The following PRTG variants were observed in gnomAD, a reference collection of about 807,000 sequenced individuals.
PRTG encodes the protein immunoglobulin superfamily, DCC subclass, member 5.
In PRTG, 67 loss-of-function variants were observed where a neutral mutation model predicts 122.5. That is an observed-to-expected ratio of 0.55 (90% CI 0.45 to 0.67). The LOEUF (loss-of-function observed/expected upper bound fraction) is 0.67. Ranked by LOEUF, PRTG falls within the 30% of genes least tolerant of loss-of-function variation. The probability of loss-of-function intolerance (pLI) is 0.00; values close to 1 mark genes in which losing one functional copy is unlikely to be tolerated. For missense variants in PRTG, 1,435 were observed against 1,415.4 expected (o/e 1.01, Z -0.22); for synonymous variants, 554 against 501.1 (o/e 1.11, Z -1.41).
At chr15:55,720,966 G>C (rs1483909666) in intron 2 of PRTG, among the ~76,000 whole-genome samples, 1 of 151,938 alleles carries the variant, frequency 6.6e-6, no homozygotes, top group Non-Finnish European at 1.5e-5. Context: ...GGTCCACCTA[G>C]ACATCCCACA....
At position 55,673,612 on chromosome 15, in the gene PRTG, C is replaced by T. The variant is rs1595638448; in HGVS notation, c.1611G>A (p.Trp537Ter). The change falls in exon 10 of 20, where the codon TGG (tryptophan) becomes TGA (stop). Residue 537 changes from tryptophan (W) to a stop codon, truncating the protein, a stop_gained. Coordinates refer to ENST00000389286, the MANE Select transcript of PRTG (RefSeq NM_173814.6). LOFTEE classifies it high-confidence loss of function. ...SRSPTDILIS[W>*]LPIPAKYRRG... Reference sequence around the variant, plus strand: ...GCCGATATTTGGCTGGGATTGGCAGCCAGGAGATGAGAATATCAGTGGGAC... The same window carrying T: ...GCCGATATTTGGCTGGGATTGGCAGTCAGGAGATGAGAATATCAGTGGGAC... 2 of 1,613,982 alleles carry T rather than the reference C, an allele frequency of 1.2e-6. No homozygotes were observed. Among genetic ancestry groups the T allele is most frequent in the Admixed American group, 1.7e-5 (1 of 60,000 alleles).
At position 55,616,784 on chromosome 15, in the gene PRTG, T is replaced by C. The variant is rs1352820626; in HGVS notation, c.*3228A>G. 6.6e-6 allele frequency: 1 copy of C among 152,178 alleles called. No homozygotes were observed. The allele number at this position is 152,178 out of a possible 1,614,324, so 9.4% of individuals were successfully genotyped here. ...ACTGATAAATACCAATATAATTGTATTGCTTTTAATTATGTAAACTTAGCC... is the reference window on the plus strand; with the variant it reads ...ACTGATAAATACCAATATAATTGTACTGCTTTTAATTATGTAAACTTAGCC... On this transcript the variant is annotated 3_prime_UTR_variant, in exon 20 of 20. Coordinates refer to ENST00000389286, the MANE Select transcript of PRTG (RefSeq NM_173814.6).
chr15:55,721,618 T>G (rs1280565716), intron 2 of PRTG, among the ~76,000 whole-genome samples: 1 of 152,228 alleles, frequency 6.6e-6, no homozygotes, highest in African/African-American at 2.4e-5. Context: ...ATCAGCTACA[T>G]CAGGATCTCT....
Position 55,613,825 on chromosome 15 carries a change from G to A in PRTG, c.*6187C>T, listed in dbSNP as rs1458437747. ...ATAGTCCTATACACTTCTGAGTAAG[G>A]ATTAACTAACTAGGGTTTGTATCTT... On this transcript the variant is annotated 3_prime_UTR_variant, in exon 20 of 20. Coordinates refer to ENST00000389286, the MANE Select transcript of PRTG (RefSeq NM_173814.6). 6.9e-6 allele frequency: 1 copy of A among 145,008 alleles called. No homozygotes were observed. The highest frequency in any genetic ancestry group is 2.5e-5 in the African/African-American group (1 of 39,624). The allele number at this position is 145,008 out of a possible 1,614,324, so 9.0% of individuals were successfully genotyped here. A position where few individuals can be genotyped will look rare whatever the true frequency, so the allele number is the denominator to read the frequency against.
intron 11 of PRTG, among the ~76,000 whole-genome samples, chr15:55,660,920 C>A (rs887342269): frequency 1.3e-5 from 2 of 152,064 alleles, no homozygotes; most frequent in Non-Finnish European, 2.9e-5. Flanking sequence ...AAAATTTCTT[C>A]AAAGGTCTCA....
Position 55,638,615 on chromosome 15 carries a change from G to A in PRTG, c.2386C>T (p.Arg796Ter), listed in dbSNP as rs1044612039. The A allele has an allele frequency of 6.2e-6, 10 of 1,613,216 alleles. No homozygotes were observed. The highest frequency in any genetic ancestry group is 8.5e-6 in the Non-Finnish European group (10 of 1,179,342). ...CTGGAAAGCTGATCCACATGTAATCGAACGGCAAATTCGTATTTGGTGTTT... is the reference window on the plus strand; with the variant it reads ...CTGGAAAGCTGATCCACATGTAATCAAACGGCAAATTCGTATTTGGTGTTT... ...EPNTKYEFAV[R>*]LHVDQLSSPW... Residue 796 changes from arginine (R) to a stop codon, truncating the protein, a stop_gained, in exon 14 of 20, where the codon CGA becomes TGA. Transcript: ENST00000389286. LOFTEE classifies it high-confidence loss of function.
chr15:55,708,935 A>C (rs913028035), intron 2 of PRTG, among the ~76,000 whole-genome samples: 11 of 152,198 alleles, frequency 7.2e-5, no homozygotes, highest in African/African-American at 2.4e-4. Flanking sequence ...AGGTGAGGTC[A>C]GGAGTTCAAG....
intron 19 of PRTG, 93 bp from the exon 20 acceptor site, chr15:55,620,359 C>T: frequency 6.5e-7 from 1 of 1,539,350 alleles, no homozygotes; most frequent in Non-Finnish European, 8.7e-7. Flanking sequence ...GGTGGGAGCA[C>T]ATCAGAATTA....
intron 2 of PRTG, among the ~76,000 whole-genome samples, chr15:55,691,837 A>G (rs527406222): frequency 3.0e-4 from 46 of 152,262 alleles, no homozygotes; most frequent in African/African-American, 1.0e-3. Context: ...GAAAGTGACC[A>G]GCCTGGGAAA....
At chr15:55,646,725 G>A (rs1201478207) in intron 11 of PRTG, among the ~76,000 whole-genome samples, 1 of 152,152 alleles carries the variant, frequency 6.6e-6, no homozygotes, top group African/African-American at 2.4e-5. Context: ...TAAAGATGAA[G>A]GGTTAGGAAA....
Position 55,615,933 on chromosome 15 carries a change from T to A in PRTG, c.*4079A>T, listed in dbSNP as rs540328971. Reference sequence around the variant, plus strand: ...GAACTTGAACAATGATCCTGGGTTGTCAACCACGAGCACATTTCTGGCAGA... The same window carrying A: ...GAACTTGAACAATGATCCTGGGTTGACAACCACGAGCACATTTCTGGCAGA... On this transcript the variant is annotated 3_prime_UTR_variant, in exon 20 of 20. Coordinates refer to ENST00000389286, the MANE Select transcript of PRTG (RefSeq NM_173814.6). 1 of 152,112 alleles carries A rather than the reference T, an allele frequency of 6.6e-6. No individual in the cohort carries two copies. Among genetic ancestry groups the A allele is most frequent in the Non-Finnish European group, 1.5e-5 (1 of 67,990 alleles). 9.4% of individuals were successfully genotyped at this position (152,112 alleles called of 1,614,324 possible).
chr15:55,723,737 ATTCTT>A (rs1211877187), intron 2 of PRTG, among the ~76,000 whole-genome samples: 5 of 146,288 alleles, frequency 3.4e-5, no homozygotes, highest in African/African-American at 7.5e-5. Flanking sequence ...TAATAGCCAT[ATTCTT>A]TTCTTTTTTC....
Position 55,620,057 on chromosome 15 carries a change from C to A in PRTG, c.3408G>T (p.Glu1136Asp), listed in dbSNP as rs750216125. ...TACTTATAACTGAGGACAGATGTAT[C>A]TCATCGTTGGACTCATGAGAAAACC... ...SGRFSHESND[E>D]IHLSSVISTT... Residue 1136 changes from glutamate (E) to aspartate (D), a missense_variant, in exon 20 of 20, where the codon GAG becomes GAT. Transcript: ENST00000389286. The A allele has an allele frequency of 6.2e-7, 1 of 1,614,056 alleles. No homozygotes were observed. The highest frequency in any genetic ancestry group is 1.3e-5 in the African/African-American group (1 of 74,928).
In PRTG at chr15:55,679,289, T is replaced by C; in HGVS notation, c.1130A>G (p.Asn377Ser). Reference protein sequence around the residue: ...IHSNGRIKMYNSKLVINQIIP... With the variant: ...IHSNGRIKMYSSKLVINQIIP... ...GTAGCAAAGTTACACAGCCTACCTGTTGTACATTTTAATTCTACCATTCGA... is the reference window on the plus strand; with the variant it reads ...GTAGCAAAGTTACACAGCCTACCTGCTGTACATTTTAATTCTACCATTCGA... The change falls in exon 7 of 20, where the codon AAC becomes AGC. Residue 377 changes from asparagine to serine, a missense_variant. Asn to Ser is a conservative substitution (Grantham distance 46). Coordinates refer to ENST00000389286, the MANE Select transcript of PRTG (RefSeq NM_173814.6). 1 of 1,608,674 alleles carries C rather than the reference T, an allele frequency of 6.2e-7. No individual in the cohort carries two copies. Among genetic ancestry groups the C allele is most frequent in the South Asian group, 1.1e-5 (1 of 90,856 alleles).
chr15:55,724,672 C>A (rs2030959465), intron 2 of PRTG, among the ~76,000 whole-genome samples: 1 of 152,028 alleles, frequency 6.6e-6, no homozygotes, highest in Non-Finnish European at 1.5e-5. Flanking sequence ...GCATGAGAAT[C>A]ACTTGAACCC....
At chr15:55,664,362 T>G (rs919409138) in intron 11 of PRTG, among the ~76,000 whole-genome samples, 2 of 151,412 alleles carry the variant, frequency 1.3e-5, no homozygotes, top group East Asian at 3.9e-4. Flanking sequence ...AAGCTGGTCT[T>G]GAACTCCCGA....
Position 55,677,931 on chromosome 15 carries a change from T to A in PRTG, c.1247A>T (p.Glu416Val). ...ATTATAGGGAGCACTGGGTCTGTCT[T>A]CTGACATCACTACAGTCAGTCTGGC... ...SRARLTVVMSEDRPSAPYNVH... is the reference protein window; with the variant it reads ...SRARLTVVMSVDRPSAPYNVH... Residue 416 changes from glutamate to valine, a missense_variant, in exon 8 of 20, where the codon GAA becomes GTA. Transcript: ENST00000389286. The A allele has an allele frequency of 6.2e-7, 1 of 1,613,980 alleles. No individual in the cohort carries two copies. Among genetic ancestry groups the A allele is most frequent in the Non-Finnish European group, 8.5e-7 (1 of 1,179,896 alleles).
chr15:55,740,403 T>G lies in PRTG; in HGVS notation c.376A>C (p.Lys126Gln). The stretch of plus-strand genomic sequence containing the variant: ...TTACTTGATAAGGCAAGATGAGCTT[T>G]TTGACTAAGAATGGCTCCATATTTG... Reference protein sequence around the residue: ...MNKYGAILSQKAHLALSTISA... With the variant: ...MNKYGAILSQQAHLALSTISA... Residue 126 changes from lysine to glutamine, a missense_variant, in exon 2 of 20, where the codon AAA (lysine) becomes CAA (glutamine). Physicochemically the swap from Lys to Gln is moderately conservative, Grantham distance 53 (BLOSUM62 1). Transcript: ENST00000389286. The G allele has an allele frequency of 6.2e-7, 1 of 1,604,352 alleles. No individual in the cohort carries two copies. The highest frequency in any genetic ancestry group is 8.5e-7 in the Non-Finnish European group (1 of 1,174,318).
chr15:55,656,408 G>A (rs1315693584), intron 11 of PRTG: 7 of 441,262 alleles, frequency 1.6e-5, no homozygotes, highest in South Asian at 6.6e-5. Context: ...TTTAATTTAG[G>A]GTACTTTATA....
Sources: gnomAD v4.1 joint callset for allele counts (sites outside exome capture counted in the v4.1 genomes callset) on GRCh38, gnomAD v4.1.1 for gene constraint, MANE v1.5 for transcripts, NCBI Gene and HGNC (gene_info 2026-07-23, HGNC 2026-07-21) for gene names.